SIRT6: variants seen among roughly 807,000 people sequenced by gnomAD.
SIRT6 encodes NAD-dependent protein deacylase sirtuin-6.
In SIRT6, 21 loss-of-function variants were observed where a neutral mutation model predicts 33.6. That is an observed-to-expected ratio of 0.62 (90% CI 0.44 to 0.90). The LOEUF (loss-of-function observed/expected upper bound fraction) is 0.90, where lower values mean the gene tolerates loss of function less well. SIRT6 is among the 40% of genes least tolerant of loss of function. The pLI is 0.00. For missense variants in SIRT6, 504 were observed against 510.6 expected, an observed-to-expected ratio of 0.99 and a Z score of 0.12; for synonymous variants, 221 against 223.9, an observed-to-expected ratio of 0.99 and a Z score of 0.12.
chr19:4,181,414 T>A lies in SIRT6; in HGVS notation c.67-505A>T, dbSNP rs188764143. Among the ~76,000 whole-genome samples, 284 of 152,322 alleles carry A rather than the reference T, an allele frequency of 1.9e-3. 4 individuals are homozygous for A. The highest frequency in any genetic ancestry group is 7.3e-4 in the Non-Finnish European group (50 of 68,028). ...TTACTAGAAGGAGGGGTTTTTAATC[T>A]GTGTTGCTCCTGGCTGTGGCCTTAG... On this transcript the variant is annotated intron_variant, in intron 1 of 7. Transcript: ENST00000337491.
rs201141490 is a variant in SIRT6 at position 4,174,761 on chromosome 19, G to T, written c.924C>A (p.Asn308Lys). Residue 308 changes from asparagine to lysine, a missense_variant, in exon 8 of 8, where the codon AAC (asparagine) becomes AAA (lysine). By Grantham distance (94) the Asn-to-Lys change is moderately conservative (BLOSUM62 0). Transcript: ENST00000337491. This position sits in a 1 kb window ranked among gnomAD's most constrained non-coding sequence, Gnocchi z 4.2. ...GCTTGGGGCCGGCGGGGATAGAGCC[G>T]TTGATCCGGGTGGGAGATTCCTCCT... ...EPKEESPTRI[N>K]GSIPAGPKQE... The T allele has an allele frequency of 2.7e-6, 4 of 1,487,572 alleles. No homozygotes were observed. The East Asian group carries it at 9.9e-5, about 37-fold the overall frequency. 92.1% of individuals were successfully genotyped at this position (1,487,572 alleles called of 1,614,324 possible).
At chr19:4,182,409 G>A (rs1050737791) in intron 1 of SIRT6, 65 bp downstream of exon 1, 1 of 1,505,418 alleles carries the variant, frequency 6.6e-7, no homozygotes. Context: ...ATGCCCCCCT[G>A]CCATCCGGCC....
At chr19:4,175,380 G>A (rs1967232071) in intron 6 of SIRT6, 4 of 663,294 alleles carry the variant, frequency 6.0e-6, no homozygotes, top group Non-Finnish European at 1.0e-5. Context: ...ATCACAGTGT[G>A]GTAAGAGCTT....
At chr19:4,175,792 G>C in intron 5 of SIRT6, 32 bp from the exon 6 acceptor site, 1 of 1,553,992 alleles carries the variant, frequency 6.4e-7, no homozygotes, top group East Asian at 2.4e-5. Flanking sequence ...GAGTCCTCAG[G>C]GGCCTCGCAG....
intron 1 of SIRT6, 36 bp from the exon 2 acceptor site, chr19:4,180,945 A>C (rs766875821): frequency 6.4e-7 from 1 of 1,565,282 alleles, no homozygotes; most frequent in Non-Finnish European, 8.7e-7. Context: ...GGGTCAAAAC[A>C]GTTCCCCCAA....
chr19:4,176,933 TCCC>T (rs1320742991), intron 4 of SIRT6, 143 bp downstream of exon 4: 4 of 402,602 alleles, frequency 9.9e-6, no homozygotes, highest in Non-Finnish European at 1.7e-5. Flanking sequence ...ACTCCTTATA[TCCC>T]CCCAAGAGGG....
At chr19:4,177,640 A>T (rs1285240271) in intron 3 of SIRT6, among the ~76,000 whole-genome samples, 1 of 152,058 alleles carries the variant, frequency 6.6e-6, no homozygotes, top group Non-Finnish European at 1.5e-5. Context: ...AGCTCACCAC[A>T]ACCTCAATGG....
chr19:4,175,028 G>A lies in SIRT6; in HGVS notation c.738C>T (p.His246=), dbSNP rs570959556. The change falls in exon 7 of 8, where the codon CAC becomes CAT. Residue 246 remains histidine, a splice_region_variant and synonymous_variant. Coordinates refer to ENST00000337491, the MANE Select transcript of SIRT6 (RefSeq NM_016539.4). ...LVIVNLQPTK[H]DRHADLRIHG... is the part of the protein sequence containing the mutation. ...GGCAGGGGTAGGCTCAGACACCTACGTGCTTGGTGGGCTGCAGGTTGACGA... is the reference window on the plus strand; with the variant it reads ...GGCAGGGGTAGGCTCAGACACCTACATGCTTGGTGGGCTGCAGGTTGACGA... 3.4e-5 allele frequency: 54 copies of A among 1,596,402 alleles called. No homozygotes were observed. Among genetic ancestry groups the A allele is most frequent in the Non-Finnish European group, 4.1e-5 (48 of 1,170,502 alleles).
intron 4 of SIRT6, among the ~76,000 whole-genome samples, chr19:4,176,726 C>T (rs969455043): frequency 1.3e-5 from 2 of 152,180 alleles, no homozygotes; most frequent in African/African-American, 4.8e-5. Context: ...CATGGCCCTG[C>T]AGACACCTGG....
At chr19:4,182,133 C>T (rs995471477) in intron 1 of SIRT6, 8 of 293,150 alleles carry the variant, frequency 2.7e-5, no homozygotes, top group Non-Finnish European at 3.9e-5. Context: ...ACTCCCCAGC[C>T]TGGCATTTGA....
chr19:4,175,931 G>A lies in SIRT6; in HGVS notation c.444C>T (p.Tyr148=), dbSNP rs768445646. The A allele has an allele frequency of 2.2e-5, 35 of 1,564,888 alleles. 1 individual carries two copies. In the South Asian group the frequency reaches 3.4e-4, roughly 15 times the overall value. The change falls in exon 5 of 8, where the codon TAC becomes TAT. Residue 148 remains tyrosine (Y), a synonymous_variant. Coordinates refer to ENST00000337491, the MANE Select transcript of SIRT6 (RefSeq NM_016539.4). ...VEECAKCKTQ[Y]VRDTVVGTMG... is the part of the protein sequence containing the mutation. Reference sequence around the variant, plus strand: ...TGGTGCCCACGACTGTGTCTCGGACGTACTGCCTGTGTCAGGGAGGAAGGG... The same window carrying A: ...TGGTGCCCACGACTGTGTCTCGGACATACTGCCTGTGTCAGGGAGGAAGGG...
rs181768575 is a variant in SIRT6, at chr19:4,182,313, G to A, written c.66+161C>T. ...AGAGTTGGGCGTGTTGGCGTCCCCC[G>A]GCGCGCAGGGGCGTCACTTCCCGCC... On this transcript the variant is annotated intron_variant, in intron 1 of 7. Transcript: ENST00000337491. 7 of 681,468 alleles carry A rather than the reference G, an allele frequency of 1.0e-5. No homozygotes were observed. In the Admixed American group the frequency reaches 2.5e-4, roughly 24 times the overall value. The allele number at this position is 681,468 out of a possible 1,614,324, so 42.2% of individuals were successfully genotyped here.
chr19:4,179,689 T>C (rs906348309), intron 2 of SIRT6, among the ~76,000 whole-genome samples: 1 of 152,126 alleles, frequency 6.6e-6, no homozygotes, highest in Admixed American at 6.5e-5. Context: ...CCCTTGATCT[T>C]GGGGGAGACA....
chr19:4,178,049 C>T, intron 3 of SIRT6, among the ~76,000 whole-genome samples: 1 of 143,544 alleles, frequency 7.0e-6, no homozygotes, highest in East Asian at 2.1e-4. Flanking sequence ...TTTTTCAAGA[C>T]AGAGTCTTGC....
At chr19:4,177,285 C>G in intron 3 of SIRT6, 147 bp from the exon 4 acceptor site, 1 of 704,066 alleles carries the variant, frequency 1.4e-6, no homozygotes, top group Non-Finnish European at 2.4e-6. Flanking sequence ...TCTGGCTCTT[C>G]TAGCTCCTGG....
chr19:4,182,161 C>A, intron 1 of SIRT6: 1 of 351,524 alleles, frequency 2.8e-6, no homozygotes, highest in Non-Finnish European at 5.2e-6. Flanking sequence ...CCTGGCCCGG[C>A]TCTGGAAACC....
In SIRT6 at chr19:4,174,817, G is replaced by GCCCCCCCCCCCCCCCCCCCCCCC; in HGVS notation, c.867_868insGGGGGGGGGGGGGGGGGGGGGGG (p.Pro290GlyfsTer67). ...TCCAGCTTGGGGGTGGGCGGGCGGG[G>GCCCCCCCCCCCCCCCCCCCCCCC]CAGGGGTGGCAGCGCCCTCTCCAGC... On this transcript the variant is annotated frameshift_variant, in exon 8 of 8. Coordinates refer to ENST00000337491, the MANE Select transcript of SIRT6 (RefSeq NM_016539.4). LOFTEE classifies it low-confidence loss of function (END_TRUNC). The surrounding 1 kb of genome is among the most constrained non-coding windows in gnomAD (Gnocchi z 4.2). 1 of 447,524 alleles carries GCCCCCCCCCCCCCCCCCCCCCCC rather than the reference G, an allele frequency of 2.2e-6. No individual in the cohort carries two copies. The highest frequency in any genetic ancestry group is 2.2e-5 in the African/African-American group (1 of 44,922). The allele number at this position is 447,524 out of a possible 1,614,324, so 27.7% of individuals were successfully genotyped here.
chr19:4,179,309 G>A, intron 2 of SIRT6, 23 bp from the exon 3 acceptor site: 1 of 1,569,206 alleles, frequency 6.4e-7, no homozygotes, highest in Non-Finnish European at 8.7e-7. Context: ...GGCCGGGAGA[G>A]ATGGACGGGG....
chr19:4,175,767 T>C lies in SIRT6; in HGVS notation c.534-7A>G. On this transcript the variant is annotated splice_polypyrimidine_tract_variant and splice_region_variant and intron_variant, in intron 5 of 7. Coordinates refer to ENST00000337491, the MANE Select transcript of SIRT6 (RefSeq NM_016539.4). ...GGTGTCCCTCAGCTCTCCCCTGCAATGAGGAAGCTGAGGAGAGTCCTCAGG... is the reference window on the plus strand; with the variant it reads ...GGTGTCCCTCAGCTCTCCCCTGCAACGAGGAAGCTGAGGAGAGTCCTCAGG... 1 of 1,560,448 alleles carries C rather than the reference T, an allele frequency of 6.4e-7. No homozygotes were observed. Among genetic ancestry groups the C allele is most frequent in the Non-Finnish European group, 8.7e-7 (1 of 1,151,800 alleles).
Sources: gnomAD v4.1 joint callset for allele counts (sites outside exome capture counted in the v4.1 genomes callset) on GRCh38, gnomAD v4.1.1 for gene constraint, Gnocchi (gnomAD v3.1) non-coding constraint, MANE v1.5 for transcripts, NCBI Gene and HGNC (gene_info 2026-07-23, HGNC 2026-07-21) for gene names.